CDH12: variants seen among roughly 807,000 people sequenced by gnomAD.
CDH12 encodes the protein cadherin 12.
In CDH12, 41 loss-of-function variants were observed where a neutral mutation model predicts 74.1. The ratio of observed to expected loss-of-function variants is 0.55; its 90% CI spans 0.43 to 0.72. The LOEUF (loss-of-function observed/expected upper bound fraction) is 0.72. Ranked by LOEUF, CDH12 falls within the 30% of genes least tolerant of loss-of-function variation. CDH12 has a pLI of 0.00. For synonymous variants in CDH12, 399 were observed against 355.0 expected (o/e 1.12, Z -1.39); for missense variants, 945 against 977.2 (o/e 0.97, Z 0.44).
intron 1 of CDH12, among the ~76,000 whole-genome samples, chr5:22,698,423 A>C (rs952010642): frequency 1.3e-5 from 2 of 151,152 alleles, no homozygotes; most frequent in African/African-American, 2.4e-5. Context: ...GTCTGGCCAA[A>C]GGCCAGCTTT....
rs560336516 is a variant in CDH12 at position 22,563,169 on chromosome 5, T to C, written c.-522-57805A>G. On this transcript the variant is annotated intron_variant, in intron 1 of 14. Transcript: ENST00000382254. ...CAGACGGAATCAAGGAACAGAGTCA[T>C]GTTGTGGCCAGGATGATAAAATTGG... is the stretch of plus-strand genomic sequence containing the variant. Among the ~76,000 whole-genome samples, 8 of 151,400 alleles carry C rather than the reference T, an allele frequency of 5.3e-5. No homozygotes were observed. In the South Asian group the frequency reaches 1.5e-3, roughly 27 times the overall value.
chr5:22,343,323 C>CACACACACACAGAG (rs1378956871), intron 3 of CDH12, among the ~76,000 whole-genome samples: 1 of 136,260 alleles, frequency 7.3e-6, no homozygotes. Flanking sequence ...GACACACACA[C>CACACACACACAGAG]AGAGAGAGAG....
intron 4 of CDH12, among the ~76,000 whole-genome samples, chr5:22,089,899 A>G (rs1200495324): frequency 2.0e-5 from 3 of 152,124 alleles, no homozygotes; most frequent in African/African-American, 7.2e-5. Context: ...ATACAAATGT[A>G]TGTAACAAAG....
chr5:22,774,029 G>A (rs961745016), intron 1 of CDH12, among the ~76,000 whole-genome samples: 4 of 152,090 alleles, frequency 2.6e-5, no homozygotes, highest in African/African-American at 9.7e-5. Context: ...CACTGTTGGT[G>A]GGAATGTAAA....
chr5:22,607,544 A>C (rs1223258800), intron 1 of CDH12, among the ~76,000 whole-genome samples: 1 of 152,196 alleles, frequency 6.6e-6, no homozygotes, highest in Admixed American at 6.5e-5. Context: ...TCACGAGACT[A>C]GCATGGAAAC....
intron 8 of CDH12, among the ~76,000 whole-genome samples, chr5:21,836,084 T>C (rs73054965): frequency 0.018 from 2,673 of 151,920 alleles, 82 homozygotes; most frequent in African/African-American, 0.057. Context: ...TCTGTAAACA[T>C]TCTGGCTGAT....
intron 1 of CDH12, among the ~76,000 whole-genome samples, chr5:22,802,072 C>T (rs1461494280): frequency 6.6e-6 from 1 of 150,602 alleles, no homozygotes; most frequent in Non-Finnish European, 1.5e-5. Context: ...CTGATGCTCT[C>T]TTTGTCTATG....
At chr5:21,902,315 T>C (rs1258237252) in intron 6 of CDH12, among the ~76,000 whole-genome samples, 1 of 151,272 alleles carries the variant, frequency 6.6e-6, no homozygotes, top group East Asian at 1.9e-4. Flanking sequence ...TGTGTATATA[T>C]ATATATCTCC....
At chr5:21,788,006 G>T (rs999557872) in intron 10 of CDH12, among the ~76,000 whole-genome samples, 1 of 152,084 alleles carries the variant, frequency 6.6e-6, no homozygotes, top group Admixed American at 6.6e-5. Context: ...GCTGATGTAG[G>T]CTCACTGTGT....
intron 2 of CDH12, among the ~76,000 whole-genome samples, chr5:22,443,758 A>G (rs1744713992): frequency 6.6e-6 from 1 of 152,186 alleles, no homozygotes; most frequent in Non-Finnish European, 1.5e-5. Context: ...TAAGGGGTAT[A>G]AAATGACTAT....
chr5:21,828,706 T>A (rs945895809), intron 8 of CDH12, among the ~76,000 whole-genome samples: 5 of 152,182 alleles, frequency 3.3e-5, no homozygotes, highest in Admixed American at 2.6e-4. Flanking sequence ...TTTATTTTTT[T>A]AATATTTTCT....
At chr5:22,621,515 G>C (rs1737971580) in intron 1 of CDH12, among the ~76,000 whole-genome samples, 1 of 152,056 alleles carries the variant, frequency 6.6e-6, no homozygotes, top group Non-Finnish European at 1.5e-5. Context: ...AAGTAAATTA[G>C]TGGGGATGAA....
chr5:22,359,961 G>T (rs1740727178), intron 3 of CDH12, among the ~76,000 whole-genome samples: 1 of 151,916 alleles, frequency 6.6e-6, no homozygotes, highest in Admixed American at 6.6e-5. Context: ...AGCACTAAAT[G>T]CCCACAAAAG....
At chr5:21,787,645 G>A (rs1746270122) in intron 10 of CDH12, among the ~76,000 whole-genome samples, 1 of 152,120 alleles carries the variant, frequency 6.6e-6, no homozygotes. Context: ...TGAACCAGAA[G>A]ATGCTTAATA....
chr5:22,650,277 T>G (rs988327634), intron 1 of CDH12, among the ~76,000 whole-genome samples: 1 of 152,022 alleles, frequency 6.6e-6, no homozygotes, highest in Non-Finnish European at 1.5e-5. Context: ...AGGGTTTGTT[T>G]CATTTCCTAA....
At chr5:22,568,565 G>GTA (rs976948060) in intron 1 of CDH12, among the ~76,000 whole-genome samples, 4 of 151,986 alleles carry the variant, frequency 2.6e-5, no homozygotes, top group Admixed American at 1.3e-4. Flanking sequence ...ACAGAATGAC[G>GTA]TATATATATG....
chr5:22,680,390 C>A (rs1277307744), intron 1 of CDH12, among the ~76,000 whole-genome samples: 2 of 151,924 alleles, frequency 1.3e-5, no homozygotes, highest in African/African-American at 4.8e-5. Context: ...TATTTTTGAT[C>A]TTTTGTATTA....
chr5:21,959,752 CAAAAAAAAA>C (rs1176227757), intron 6 of CDH12, among the ~76,000 whole-genome samples: 10 of 80,824 alleles, frequency 1.2e-4, no homozygotes, highest in Non-Finnish European at 1.8e-4. Context: ...TACTAAAATC[CAAAAAAAAA>C]AAAAAAAAAA....
intron 2 of CDH12, among the ~76,000 whole-genome samples, chr5:22,475,717 G>T (rs1036381930): frequency 1.4e-4 from 21 of 151,958 alleles, no homozygotes; most frequent in African/African-American, 4.6e-4. Context: ...CCAAAACTAA[G>T]AAATTGCATT....
Sources: gnomAD v4.1 joint callset for allele counts (sites outside exome capture counted in the v4.1 genomes callset) on GRCh38, gnomAD v4.1.1 for gene constraint, MANE v1.5 for transcripts, NCBI Gene and HGNC (gene_info 2026-07-23, HGNC 2026-07-21) for gene names.